Variants in FANCI observed in about 807,000 individuals in gnomAD.
FANCI encodes Fanconi anemia group I protein.
Under a neutral mutation model 176.1 loss-of-function variants are expected in FANCI, and 156 were observed. The ratio of observed to expected loss-of-function variants is 0.89; its 90% CI spans 0.78 to 1.01. The LOEUF is 1.01. Ranked by LOEUF, FANCI falls within the 50% of genes least tolerant of loss-of-function variation. The pLI is 0.00. For missense variants in FANCI, 1,678 were observed against 1,534.1 expected (o/e 1.09, Z -1.57); for synonymous variants, 613 against 541.7 (o/e 1.13, Z -1.83).
chr15:89,300,681 T>G (rs1183051483), intron 26 of FANCI, among the ~76,000 whole-genome samples: 1 of 152,230 alleles, frequency 6.6e-6, no homozygotes, highest in African/African-American at 2.4e-5. Flanking sequence ...GTTTTTGTTT[T>G]CTGAGTCTGT....
At chr15:89,279,591 T>G (rs2053538126) in intron 14 of FANCI, among the ~76,000 whole-genome samples, 1 of 152,224 alleles carries the variant, frequency 6.6e-6, no homozygotes, top group African/African-American at 2.4e-5. Flanking sequence ...GTTCTCTGAT[T>G]ACTGTAAGAG....
intron 20 of FANCI, among the ~76,000 whole-genome samples, chr15:89,292,092 C>T (rs1329802408): frequency 6.6e-6 from 1 of 152,162 alleles, no homozygotes; most frequent in East Asian, 1.9e-4. Flanking sequence ...TTAGGCTGAA[C>T]TAGGATTGGC....
intron 18 of FANCI, among the ~76,000 whole-genome samples, chr15:89,289,641 C>G (rs1253063235): frequency 6.6e-6 from 1 of 151,854 alleles, no homozygotes; most frequent in Non-Finnish European, 1.5e-5. Flanking sequence ...TTTTTTTGAT[C>G]AATTCTCATT....
intron 17 of FANCI, among the ~76,000 whole-genome samples, chr15:89,284,171 T>C (rs1346445431): frequency 6.6e-6 from 1 of 152,212 alleles, no homozygotes; most frequent in Non-Finnish European, 1.5e-5. Flanking sequence ...ATACTATTAT[T>C]ATCCCATTTT....
intron 34 of FANCI, 40 bp downstream of exon 34, chr15:89,307,712 A>G: frequency 6.2e-7 from 1 of 1,614,106 alleles, no homozygotes; most frequent in Non-Finnish European, 8.5e-7. Flanking sequence ...GTCTTCAAGA[A>G]AGGATTTCTT....
At chr15:89,292,151 T>A (rs2054093077) in intron 20 of FANCI, among the ~76,000 whole-genome samples, 1 of 152,162 alleles carries the variant, frequency 6.6e-6, no homozygotes, top group South Asian at 2.1e-4. Flanking sequence ...TCTGTTCTTA[T>A]CTAGCCTCAG....
At chr15:89,310,044 G>A (rs1285872713) in intron 34 of FANCI, among the ~76,000 whole-genome samples, 1 of 152,218 alleles carries the variant, frequency 6.6e-6, no homozygotes, top group Non-Finnish European at 1.5e-5. Context: ...TATGCATGAT[G>A]AGAAAGGTTA....
intron 26 of FANCI, 97 bp from the exon 27 acceptor site, chr15:89,301,229 T>C (rs564634304): frequency 3.6e-6 from 3 of 832,694 alleles, no homozygotes; most frequent in Admixed American, 1.7e-5. Context: ...TTGAATTCTT[T>C]CTGTCCTAGT....
intron 12 of FANCI, among the ~76,000 whole-genome samples, chr15:89,275,678 A>T (rs1320592643): frequency 6.6e-6 from 1 of 152,182 alleles, no homozygotes; most frequent in Non-Finnish European, 1.5e-5. Flanking sequence ...TGTCTCCAGT[A>T]TTTTCCCAAC....
At chr15:89,260,870 T>G in intron 4 of FANCI, 27 bp downstream of exon 4, 3 of 1,612,294 alleles carry the variant, frequency 1.9e-6, no homozygotes, top group Non-Finnish European at 2.5e-6. Flanking sequence ...AAACTTTTAT[T>G]TGGGGGTAGG....
At chr15:89,261,472 C>A in intron 4 of FANCI, 113 bp from the exon 5 acceptor site, 1 of 1,306,894 alleles carries the variant, frequency 7.7e-7, no homozygotes, top group Non-Finnish European at 1.1e-6. Flanking sequence ...CTTATGGGAC[C>A]AGTTCTGGAT....
intron 12 of FANCI, among the ~76,000 whole-genome samples, chr15:89,274,967 A>G (rs1004981620): frequency 5.3e-5 from 8 of 151,520 alleles, no homozygotes; most frequent in Non-Finnish European, 1.0e-4. Context: ...TGCAATGGCT[A>G]TTCACAGGCT....
At chr15:89,255,106 C>T (rs2052436509) in intron 2 of FANCI, among the ~76,000 whole-genome samples, 2 of 152,200 alleles carry the variant, frequency 1.3e-5, no homozygotes, top group Non-Finnish European at 2.9e-5. Flanking sequence ...CCCCTGATTT[C>T]CTACACTCTG....
intron 27 of FANCI, among the ~76,000 whole-genome samples, chr15:89,301,718 G>T (rs879929759): frequency 7.3e-5 from 11 of 151,106 alleles, no homozygotes; most frequent in South Asian, 2.1e-4. Flanking sequence ...AAAGAATCCT[G>T]TGTTGATCTT....
intron 17 of FANCI, among the ~76,000 whole-genome samples, chr15:89,284,321 G>C (rs1485044905): frequency 6.6e-6 from 1 of 152,182 alleles, no homozygotes; most frequent in Admixed American, 6.5e-5. Context: ...TGTACTATAA[G>C]ATTTATAAAT....
chr15:89,285,504 G>T (rs1019977816), intron 18 of FANCI, among the ~76,000 whole-genome samples: 1 of 152,150 alleles, frequency 6.6e-6, no homozygotes, highest in Admixed American at 6.6e-5. Context: ...GCATGCGCCC[G>T]TGGTCCCAGC....
At position 89,293,963 on chromosome 15, in the gene FANCI, A is replaced by T. The variant is rs375656231; in HGVS notation, c.2422A>T (p.Lys808Ter). Residue 808 changes from lysine to a stop codon, truncating the protein, a stop_gained, in exon 23 of 38, where the codon AAA (lysine) becomes TAA (stop). Transcript: ENST00000310775. LOFTEE classifies it high-confidence loss of function. ...NKTSDSLLSM[K>*]FVSSLLTALF... ...GACAAGTGATAGTCTTTTGTCCATGAAATTTGTGTCCAGTCTTCTCACTGC... is the reference window on the plus strand; with the variant it reads ...GACAAGTGATAGTCTTTTGTCCATGTAATTTGTGTCCAGTCTTCTCACTGC... 3.9e-5 allele frequency: 63 copies of T among 1,614,070 alleles called. No homozygotes were observed. The highest frequency in any genetic ancestry group is 5.1e-5 in the Non-Finnish European group (60 of 1,180,032).
chr15:89,281,239 C>T lies in FANCI; in HGVS notation c.1451C>T (p.Ala484Val). Residue 484 changes from alanine to valine, a missense_variant, in exon 15 of 38, where the codon GCT becomes GTT. This residue lies in a region of FANCI where 1,204 missense variants were observed against 1,077.4 expected (regional missense o/e 1.12). Coordinates refer to ENST00000310775, the MANE Select transcript of FANCI (RefSeq NM_001113378.2). ...LQSCSSKVTE[A>V]FDYLSFLPLQ... is the part of the protein sequence containing the mutation. Reference sequence around the variant, plus strand: ...AGTTGTTCTTCTAAAGTCACAGAAGCTTTTGACTATTTGTCCTTTCTGCCC... The same window carrying T: ...AGTTGTTCTTCTAAAGTCACAGAAGTTTTTGACTATTTGTCCTTTCTGCCC... 3.1e-6 allele frequency: 5 copies of T among 1,613,838 alleles called. No homozygotes were observed. The highest frequency in any genetic ancestry group is 4.2e-6 in the Non-Finnish European group (5 of 1,179,804).
Position 89,283,918 on chromosome 15 carries a change from G to A in FANCI, c.1698+668G>A, listed in dbSNP as rs1466923958. Among the ~76,000 whole-genome samples the A allele has an allele frequency of 1.5e-4, 23 of 151,592 alleles. 1 individual carries two copies. Among genetic ancestry groups the A allele is most frequent in the Admixed American group, 9.2e-4 (14 of 15,202 alleles). On this transcript the variant is annotated intron_variant, in intron 17 of 37. Transcript: ENST00000310775. ...GCTGGGACTACAGGCGCCTGCTACC[G>A]TGCCTGGCTAATTTTTTGTATTTTT...
Sources: gnomAD v4.1 joint callset for allele counts (sites outside exome capture counted in the v4.1 genomes callset) on GRCh38, gnomAD v4.1.1 for gene constraint, gnomAD v4.1.1 regional missense constraint, MANE v1.5 for transcripts, NCBI Gene and HGNC (gene_info 2026-07-23, HGNC 2026-07-21) for gene names.